The following ACTA2 variants were observed in gnomAD, a reference collection of about 807,000 sequenced individuals.
The protein encoded by ACTA2 is actin, aortic smooth muscle.
In ACTA2, 12 loss-of-function variants were observed where a neutral mutation model predicts 39.5. The observed-to-expected ratio is 0.30, with a 90% CI of 0.19 to 0.49. ACTA2 has a LOEUF of 0.49. Among genes scored for constraint, ACTA2 ranks in the 20% least tolerant of loss-of-function variants. The probability of loss-of-function intolerance (pLI) is 0.99; values close to 1 mark genes in which losing one functional copy is unlikely to be tolerated. For synonymous variants in ACTA2, 158 were observed against 180.6 expected, an observed-to-expected ratio of 0.88 and a Z score of 1.00; for missense variants, 236 against 498.8, an observed-to-expected ratio of 0.47 and a Z score of 5.02.
At chr10:88,938,314 T>G in intron 7 of ACTA2, 72 bp from the exon 8 acceptor site, 1 of 1,525,714 alleles carries the variant, frequency 6.6e-7, no homozygotes, top group East Asian at 2.3e-5. Context: ...AGACCAGACT[T>G]GAACATCTGG....
rs1477037597 is a variant in ACTA2 at position 88,935,156 on chromosome 10, C to A, written c.*67G>T. The A allele has an allele frequency of 6.3e-7, 1 of 1,597,508 alleles. No individual in the cohort carries two copies. Among genetic ancestry groups the A allele is most frequent in the African/African-American group, 1.3e-5 (1 of 74,502 alleles). Reference sequence around the variant, plus strand: ...TGGCTAGGAATGATTTGGAAAAGAACTGAAGGCATAATTCCACAGGACATT... The same window carrying A: ...TGGCTAGGAATGATTTGGAAAAGAAATGAAGGCATAATTCCACAGGACATT... On this transcript the variant is annotated 3_prime_UTR_variant, in exon 9 of 9. Transcript: ENST00000224784.
Position 88,979,782 on chromosome 10 carries a change from C to G in ACTA2, c.-24+11157G>C, listed in dbSNP as rs140413379. 7.4e-3 allele frequency among the ~76,000 whole-genome samples: 1,134 copies of G among 152,290 alleles called. 17 individuals carry two copies. Among genetic ancestry groups the G allele is most frequent in the African/African-American group, 0.022 (917 of 41,566 alleles). On this transcript the variant is annotated intron_variant, in intron 1 of 4. Coordinates refer to the ACTA2 transcript ENST00000415557. ...TTGCTAGCCATTTGTTTAGTCCTGA[C>G]TCTCTAATCAAATGCCAGGAGGATC...
intron 4 of ACTA2, among the ~76,000 whole-genome samples, chr10:88,942,448 G>A (rs559139583): frequency 9.2e-5 from 14 of 152,238 alleles, no homozygotes; most frequent in Non-Finnish European, 2.1e-4. Flanking sequence ...TTTTTATGTA[G>A]TTACTGGGTC....
chr10:88,960,521 A>G (rs2133297465), intron 1 of ACTA2, among the ~76,000 whole-genome samples: 1 of 152,328 alleles, frequency 6.6e-6, no homozygotes, highest in South Asian at 2.1e-4. Context: ...AGCCATACCA[A>G]GAAGGATACA....
intron 1 of ACTA2, among the ~76,000 whole-genome samples, chr10:88,987,069 A>G (rs2133366487): frequency 6.6e-6 from 1 of 152,304 alleles, no homozygotes; most frequent in East Asian, 1.9e-4. Context: ...TTTCCCAAGA[A>G]CCCATACATA....
At chr10:88,980,920 A>C (rs886069601) in intron 1 of ACTA2, among the ~76,000 whole-genome samples, 1 of 152,224 alleles carries the variant, frequency 6.6e-6, no homozygotes, top group Admixed American at 6.5e-5. Flanking sequence ...AGAAAGTTCT[A>C]AATTTGGAAA....
At chr10:88,947,158 T>C (rs1387212844) in intron 3 of ACTA2, 100 bp downstream of exon 3, 11 of 1,513,178 alleles carry the variant, frequency 7.3e-6, no homozygotes, top group Non-Finnish European at 1.0e-5. Context: ...AGTTGAGCAA[T>C]GTGAGCCAGT....
chr10:88,943,673 T>C lies in ACTA2; in HGVS notation c.369+124A>G, dbSNP rs1385798759. The C allele has an allele frequency of 7.5e-6, 6 of 799,620 alleles. No individual in the cohort carries two copies. The African/African-American group carries it at 1.0e-4, about 14-fold the overall frequency. 49.5% of individuals were successfully genotyped at this position (799,620 alleles called of 1,614,324 possible). On this transcript the variant is annotated intron_variant, in intron 4 of 8. Transcript: ENST00000224784. ...TGTCCTTTGGGATCCCTGAGTTCAC[T>C]GAAGGCTGTTAGTCTGTTGGTGGAC...
chr10:88,968,133 T>G (rs1372709441), intron 1 of ACTA2, among the ~76,000 whole-genome samples: 1 of 152,212 alleles, frequency 6.6e-6, no homozygotes, highest in African/African-American at 2.4e-5. Flanking sequence ...TGCAGTTATA[T>G]GTATTTAACT....
rs794728034 is a variant in ACTA2, at chr10:88,935,336, CAG to C, written c.1019_1020del (p.Ser340CysfsTer26). 2 of 1,613,918 alleles carry C rather than the reference CAG, an allele frequency of 1.2e-6. No individual in the cohort carries two copies. On this transcript the variant is annotated frameshift_variant, in exon 9 of 9. Coordinates refer to ENST00000224784, the MANE Select transcript of ACTA2 (RefSeq NM_001613.4). LOFTEE classifies it high-confidence loss of function. The stretch of plus-strand genomic sequence containing the variant: ...GCCAGGATGGAGCCACCGATCCAGA[CAG>C]AGTATTTGCGCTCCGGAGGGGCAAT... ...KIIAPPERKY[S>X]VWIGGSILAS... is the part of the protein sequence containing the mutation.
Position 88,941,368 on chromosome 10 carries a change from A to G in ACTA2, c.477T>C (p.Asp159=), listed in dbSNP as rs761805696. The G allele has an allele frequency of 1.1e-5, 18 of 1,613,960 alleles. No individual in the cohort carries two copies. In the South Asian group the frequency reaches 1.6e-4, roughly 15 times the overall value. The change falls in exon 6 of 9, where the codon GAT becomes GAC. Residue 159 remains aspartate (D), a synonymous_variant. Transcript: ENST00000224784. ...RTTGIVLDSG[D]GVTHNVPIYE... ...AGATGGGGACATTGTGGGTGACACCATCTCCAGAGTCCAGCACGATGCCTG... is the reference window on the plus strand; with the variant it reads ...AGATGGGGACATTGTGGGTGACACCGTCTCCAGAGTCCAGCACGATGCCTG...
chr10:88,973,364 C>T lies in ACTA2; in HGVS notation c.-24+17575G>A, dbSNP rs1846492412. The T allele has an allele frequency of 1.2e-5, 18 of 1,461,480 alleles. No homozygotes were observed. In the South Asian group the frequency reaches 2.7e-4, roughly 22 times the overall value. The allele number at this position is 1,461,480 out of a possible 1,614,324, so 90.5% of individuals were successfully genotyped here. ...GGTGATTAGGTAATCCAAGAATTGCCAGGCGAACAATTGTGAAAATCTTTC... is the reference window on the plus strand; with the variant it reads ...GGTGATTAGGTAATCCAAGAATTGCTAGGCGAACAATTGTGAAAATCTTTC... On this transcript the variant is annotated intron_variant, in intron 1 of 4. Transcript: ENST00000415557.
At chr10:88,984,851 C>G (rs77128577) in intron 1 of ACTA2, among the ~76,000 whole-genome samples, 211 of 152,298 alleles carry the variant, frequency 1.4e-3, no homozygotes, top group African/African-American at 4.7e-3. Flanking sequence ...AGAGCCTGAT[C>G]TGATGATTCC....
chr10:88,941,088 G>A, intron 6 of ACTA2, 141 bp downstream of exon 6: 1 of 1,023,152 alleles, frequency 9.8e-7, no homozygotes, highest in Non-Finnish European at 1.5e-6. Flanking sequence ...AAAGAAAGAT[G>A]TGCTTTGCTC....
chr10:88,938,553 C>T (rs1013641125), intron 7 of ACTA2: 2 of 363,346 alleles, frequency 5.5e-6, no homozygotes, highest in East Asian at 1.3e-4. Flanking sequence ...CAATTCCCTG[C>T]AAAGCTTCCA....
chr10:88,977,722 T>C (rs1183180267), intron 1 of ACTA2, among the ~76,000 whole-genome samples: 2 of 147,818 alleles, frequency 1.4e-5, no homozygotes, highest in African/African-American at 2.5e-5. Context: ...CCAGTTAGAA[T>C]GGCAATCATT....
intron 1 of ACTA2, among the ~76,000 whole-genome samples, chr10:88,980,586 T>A (rs191242705): frequency 6.6e-6 from 1 of 152,320 alleles, no homozygotes; most frequent in Admixed American, 6.5e-5. Flanking sequence ...CCCTGAGGCC[T>A]AACACAGTCC....
At chr10:88,964,892 C>G (rs1303983338) in intron 1 of ACTA2, among the ~76,000 whole-genome samples, 1 of 152,074 alleles carries the variant, frequency 6.6e-6, no homozygotes, top group African/African-American at 2.4e-5. Context: ...TTTCCTCTGC[C>G]CTCCTGTTTG....
intron 1 of ACTA2, among the ~76,000 whole-genome samples, chr10:88,962,451 GAGAT>G (rs1275738705): frequency 1.3e-5 from 2 of 152,020 alleles, no homozygotes; most frequent in Non-Finnish European, 2.9e-5. Context: ...AAAAAAAGAG[GAGAT>G]AGTCTCAGTT....
Sources: allele counts gnomAD v4.1 joint callset (sites outside exome capture counted in the v4.1 genomes callset), GRCh38; gene constraint gnomAD v4.1.1; transcripts MANE v1.5; gene names NCBI Gene and HGNC (gene_info 2026-07-23, HGNC 2026-07-21).